LSS: variants seen among roughly 807,000 people sequenced by gnomAD.
The protein encoded by LSS is lanosterol synthase.
Under a neutral mutation model 110.3 loss-of-function variants are expected in LSS, and 90 were observed. The observed-to-expected ratio is 0.82, with a 90% CI of 0.69 to 0.97. LSS has a LOEUF of 0.97. LSS is among the 50% of genes least tolerant of loss of function. The pLI is 0.00. For missense variants in LSS, 927 were observed against 990.0 expected (o/e 0.94, Z 0.85); for synonymous variants, 433 against 400.0 (o/e 1.08, Z -0.98).
intron 3 of LSS, among the ~76,000 whole-genome samples, chr21:46,224,383 T>TC (rs1365657737): frequency 6.6e-6 from 1 of 151,758 alleles, no homozygotes; most frequent in Admixed American, 6.6e-5. Context: ...GTGGCAGTGG[T>TC]CCCCCGGGCC....
chr21:46,204,409 T>C (rs1161230974), intron 17 of LSS, among the ~76,000 whole-genome samples: 1 of 150,150 alleles, frequency 6.7e-6, no homozygotes, highest in Non-Finnish European at 1.5e-5. Context: ...AAAAGATCAG[T>C]ATAAGATTCT....
At position 46,196,245 on chromosome 21, in the gene LSS, C is replaced by CT. The variant is rs2079908714; in HGVS notation, c.1692dup (p.Glu565ArgfsTer53). Reference sequence around the variant, plus strand: ...GCCCTCTGCTGCCGCCGACAGAACTCTAAGCCCTGCGTGAGGGTCTCCCTG... The same window carrying CT: ...GCCCTCTGCTGCCGCCGACAGAACTCTTAAGCCCTGCGTGAGGGTCTCCCTG... On this transcript the variant is annotated frameshift_variant, in exon 18 of 22. Coordinates refer to ENST00000397728, the MANE Select transcript of LSS (RefSeq NM_002340.6). LOFTEE classifies it high-confidence loss of function. The CT allele has an allele frequency of 6.2e-7, 1 of 1,614,090 alleles. No homozygotes were observed. Among genetic ancestry groups the CT allele is most frequent in the South Asian group, 1.1e-5 (1 of 91,092 alleles).
chr21:46,189,610 G>C lies in LSS; in HGVS notation c.*1494C>G. Reference sequence around the variant, plus strand: ...GAGCCCTGGACTGCACACCAAGGCAGAGGGGTGCCCCTGAAGGACTCTGGG... The same window carrying C: ...GAGCCCTGGACTGCACACCAAGGCACAGGGGTGCCCCTGAAGGACTCTGGG... On this transcript the variant is annotated 3_prime_UTR_variant, in exon 22 of 22. Coordinates refer to ENST00000397728, the MANE Select transcript of LSS (RefSeq NM_002340.6). The C allele has an allele frequency of 2.2e-6, 1 of 454,152 alleles. No individual in the cohort carries two copies. The highest frequency in any genetic ancestry group is 1.6e-5 in the South Asian group (1 of 64,398). 28.1% of individuals were successfully genotyped at this position (454,152 alleles called of 1,614,324 possible).
chr21:46,196,644 G>A (rs1242026457), intron 17 of LSS, among the ~76,000 whole-genome samples: 1 of 152,212 alleles, frequency 6.6e-6, no homozygotes, highest in Admixed American at 6.5e-5. Context: ...TAGAAGACAA[G>A]ACCCATCCTA....
chr21:46,192,027 C>G, intron 20 of LSS, 68 bp from the exon 21 acceptor site: 3 of 1,205,784 alleles, frequency 2.5e-6, no homozygotes, highest in Middle Eastern at 3.7e-4. Context: ...CACCCTCACA[C>G]AGCCGAGCAT....
chr21:46,228,670 C>T, intron 1 of LSS, 62 bp downstream of exon 1: 1 of 1,599,852 alleles, frequency 6.3e-7, no homozygotes. Flanking sequence ...GCCCCAGTCG[C>T]GCTCTCCTCA....
At position 46,199,494 on chromosome 21, in the gene LSS, C is replaced by T. The variant is rs532194638; in HGVS notation, c.1671-3227G>A. Among the ~76,000 whole-genome samples the T allele has an allele frequency of 5.9e-5, 9 of 152,286 alleles. No homozygotes were observed. In the East Asian group the frequency reaches 9.6e-4, roughly 16 times the overall value. On this transcript the variant is annotated intron_variant, in intron 17 of 21. Coordinates refer to ENST00000397728, the MANE Select transcript of LSS (RefSeq NM_002340.6). ...TAAACACACTCTTACCATAGGATCC[C>T]GCAATCATGCTTCTTGGCATTTACC...
chr21:46,200,951 C>T (rs1006342652), intron 17 of LSS, among the ~76,000 whole-genome samples: 1 of 152,170 alleles, frequency 6.6e-6, no homozygotes, highest in East Asian at 1.9e-4. Context: ...CTGCAAATTC[C>T]TTTCCAATGG....
At chr21:46,206,877 G>C in intron 15 of LSS, 109 bp from the exon 16 acceptor site, 1 of 794,756 alleles carries the variant, frequency 1.3e-6, no homozygotes, top group South Asian at 1.4e-5. Context: ...CAACCGATGG[G>C]GCAGGAACAG....
intron 11 of LSS, among the ~76,000 whole-genome samples, chr21:46,212,822 C>T (rs1037394060): frequency 1.3e-5 from 2 of 152,208 alleles, no homozygotes; most frequent in African/African-American, 4.8e-5. Context: ...CAGCTGCAGA[C>T]AGACATCGAG....
intron 5 of LSS, chr21:46,220,536 C>T (rs1020905272): frequency 3.3e-5 from 5 of 153,136 alleles, no homozygotes; most frequent in African/African-American, 7.2e-5. Context: ...ATAAGGGTCT[C>T]TGAGGAGCTG....
chr21:46,189,532 C>T lies in LSS; in HGVS notation c.*1572G>A. Reference sequence around the variant, plus strand: ...GTCCCAAGGAGAGTCAGTGACAGCACATGGGGCAAGGGAGCTGGACAGAAG... The same window carrying T: ...GTCCCAAGGAGAGTCAGTGACAGCATATGGGGCAAGGGAGCTGGACAGAAG... On this transcript the variant is annotated 3_prime_UTR_variant, in exon 22 of 22. Transcript: ENST00000397728. The T allele has an allele frequency of 2.6e-6, 1 of 387,840 alleles. No individual in the cohort carries two copies. The highest frequency in any genetic ancestry group is 5.2e-6 in the Non-Finnish European group (1 of 193,972). The allele number at this position is 387,840 out of a possible 1,614,324, so 24.0% of individuals were successfully genotyped here.
chr21:46,226,302 C>G (rs866844293), intron 3 of LSS, among the ~76,000 whole-genome samples: 12 of 152,308 alleles, frequency 7.9e-5, no homozygotes, highest in Admixed American at 4.6e-4. Flanking sequence ...AAACCTGATT[C>G]CAATCCTGTC....
chr21:46,193,247 CGTAT>C (rs58555167), intron 20 of LSS: 1 of 246,136 alleles, frequency 4.1e-6, no homozygotes, highest in Admixed American at 4.3e-5. Flanking sequence ...CCTGTGCATG[CGTAT>C]GTGTGTGCAC....
In LSS at chr21:46,188,977, G is replaced by A; in HGVS notation, c.*2127C>T. 1 of 356,698 alleles carries A rather than the reference G, an allele frequency of 2.8e-6. No homozygotes were observed. Among genetic ancestry groups the A allele is most frequent in the Non-Finnish European group, 5.6e-6 (1 of 178,646 alleles). The allele number at this position is 356,698 out of a possible 1,614,324, so 22.1% of individuals were successfully genotyped here. On this transcript the variant is annotated 3_prime_UTR_variant, in exon 22 of 22. Coordinates refer to ENST00000397728, the MANE Select transcript of LSS (RefSeq NM_002340.6). ...ATATCTGTTTTCCCTCAGGTAACTG[G>A]AGACGCACCCTGCTACTCCTCACGT...
chr21:46,202,400 A>AT (rs1239117357), intron 17 of LSS, among the ~76,000 whole-genome samples: 4 of 149,206 alleles, frequency 2.7e-5, no homozygotes, highest in African/African-American at 9.9e-5. Flanking sequence ...TCTCAAAAAA[A>AT]AAAAAAATAA....
chr21:46,196,908 C>T (rs566908170), intron 17 of LSS, among the ~76,000 whole-genome samples: 16 of 152,348 alleles, frequency 1.1e-4, no homozygotes, highest in African/African-American at 3.4e-4. Flanking sequence ...AGACGGTAGT[C>T]GGCAGCTTCC....
intron 12 of LSS, 94 bp downstream of exon 12, chr21:46,210,594 G>A: frequency 8.2e-7 from 1 of 1,223,890 alleles, no homozygotes; most frequent in Admixed American, 1.8e-5. Flanking sequence ...GGAGTGGCAA[G>A]TGTGTGGCCA....
chr21:46,215,822 G>T, intron 7 of LSS, 29 bp from the exon 8 acceptor site: 2 of 1,479,140 alleles, frequency 1.4e-6, no homozygotes, highest in Non-Finnish European at 1.9e-6. Context: ...GAGCCTTGGG[G>T]CCTGGGAGCA....
Sources: allele counts gnomAD v4.1 joint callset (sites outside exome capture counted in the v4.1 genomes callset), GRCh38; gene constraint gnomAD v4.1.1; transcripts MANE v1.5; gene names NCBI Gene and HGNC (gene_info 2026-07-23, HGNC 2026-07-21).